RASGRF1: variants seen among roughly 807,000 people sequenced by gnomAD.
RASGRF1 encodes the protein Ras protein specific guanine nucleotide releasing factor 1.
Under a neutral mutation model 138.7 loss-of-function variants are expected in RASGRF1, and 40 were observed. The observed-to-expected ratio is 0.29, with a 90% CI of 0.22 to 0.38. The LOEUF is 0.38. Ranked by LOEUF, RASGRF1 falls within the 10% of genes least tolerant of loss-of-function variation. The pLI is 1.00. For missense variants in RASGRF1, 1,108 were observed against 1,650.4 expected (o/e 0.67, Z 5.69); for synonymous variants, 614 against 663.2 (o/e 0.93, Z 1.14).
At position 78,987,459 on chromosome 15, in the gene RASGRF1, G is replaced by A. The variant is rs534394770; in HGVS notation, c.3217-2255C>T. 3.9e-5 allele frequency among the ~76,000 whole-genome samples: 6 copies of A among 152,298 alleles called. No homozygotes were observed. In the East Asian group the frequency reaches 1.2e-3, roughly 29 times the overall value. On this transcript the variant is annotated intron_variant, in intron 22 of 26. Coordinates refer to ENST00000558480, the MANE Select transcript of RASGRF1 (RefSeq NM_001145648.3). ...CACCTGTAATTCCAGTACTTTGGGA[G>A]CTGAGGCGGGTGGATCACCTGAGGT...
chr15:79,076,417 C>T (rs576335670), intron 1 of RASGRF1, among the ~76,000 whole-genome samples: 2 of 152,266 alleles, frequency 1.3e-5, no homozygotes, highest in East Asian at 3.9e-4. Context: ...TACTAGAAAC[C>T]CAGGACTTCT....
chr15:79,002,272 T>A (rs1345721898), intron 15 of RASGRF1, among the ~76,000 whole-genome samples: 1 of 152,162 alleles, frequency 6.6e-6, no homozygotes, highest in African/African-American at 2.4e-5. Context: ...TCTTAAAATG[T>A]CCTGTCTTGG....
At chr15:78,990,353 A>AT (rs1555452495) in intron 21 of RASGRF1, 80 bp from the exon 22 acceptor site, 3 of 1,052,432 alleles carry the variant, frequency 2.9e-6, no homozygotes, top group Non-Finnish European at 4.3e-6. Context: ...TTTTTATTTT[A>AT]TTTTTTGGCT....
chr15:79,020,141 G>A (rs1391550707), intron 10 of RASGRF1, 37 bp from the exon 11 acceptor site: 2 of 1,601,536 alleles, frequency 1.2e-6, no homozygotes, highest in Admixed American at 1.7e-5. Context: ...TGGATTGAGG[G>A]GTAGATATGC....
intron 22 of RASGRF1, among the ~76,000 whole-genome samples, chr15:78,988,307 T>C (rs2056202519): frequency 6.6e-6 from 1 of 152,226 alleles, no homozygotes; most frequent in African/African-American, 2.4e-5. Flanking sequence ...TGTCTTTCAC[T>C]TGCTCGACTC....
In RASGRF1 at chr15:79,084,521, C is replaced by T. The variant is rs140953007; in HGVS notation, c.276+5702G>A. Among the ~76,000 whole-genome samples the T allele has an allele frequency of 2.7e-3, 404 of 152,326 alleles. 2 individuals are homozygous for T. The highest frequency in any genetic ancestry group is 4.6e-3 in the Non-Finnish European group (312 of 68,024). The stretch of plus-strand genomic sequence containing the variant: ...ACCTGGCAGCCACATCACTTCATTC[C>T]CTGGGCTCTGGACAACAGGGCCGCC... On this transcript the variant is annotated intron_variant, in intron 1 of 26. Transcript: ENST00000558480.
intron 25 of RASGRF1, 40 bp from the exon 26 acceptor site, chr15:78,971,974 T>C: frequency 6.6e-7 from 1 of 1,514,988 alleles, no homozygotes; most frequent in Non-Finnish European, 9.2e-7. Context: ...CAGTTTGCTC[T>C]CCTAGTTCCA....
At chr15:78,968,206 G>A (rs1329516027) in intron 26 of RASGRF1, among the ~76,000 whole-genome samples, 1 of 148,914 alleles carries the variant, frequency 6.7e-6, no homozygotes, top group Non-Finnish European at 1.5e-5. Flanking sequence ...TCACCACTGA[G>A]CCCAGCCTGT....
intron 5 of RASGRF1, among the ~76,000 whole-genome samples, chr15:79,037,351 A>G (rs2141010466): frequency 6.6e-6 from 1 of 151,976 alleles, no homozygotes; most frequent in Non-Finnish European, 1.5e-5. Context: ...GTCAAAGACA[A>G]TCTTCTCACA....
At chr15:79,048,762 G>T (rs1006286154) in intron 4 of RASGRF1, among the ~76,000 whole-genome samples, 1 of 152,178 alleles carries the variant, frequency 6.6e-6, no homozygotes, top group Non-Finnish European at 1.5e-5. Flanking sequence ...TGGCCCATGG[G>T]ATGCCAGTTT....
intron 5 of RASGRF1, among the ~76,000 whole-genome samples, chr15:79,036,603 CATTG>C (rs2057226036): frequency 6.6e-6 from 1 of 152,146 alleles, no homozygotes; most frequent in Non-Finnish European, 1.5e-5. Context: ...GATGCTCCAG[CATTG>C]AGGCGGTGGG....
chr15:79,008,904 C>T (rs763009092), intron 13 of RASGRF1, among the ~76,000 whole-genome samples: 6 of 152,334 alleles, frequency 3.9e-5, no homozygotes, highest in Admixed American at 6.5e-5. Flanking sequence ...GAGCACATGG[C>T]CTCCCAGGTC....
At chr15:79,077,379 G>A (rs149163695) in intron 1 of RASGRF1, among the ~76,000 whole-genome samples, 144 of 152,242 alleles carry the variant, frequency 9.5e-4, no homozygotes, top group African/African-American at 3.3e-3. Context: ...CAGCATTGTG[G>A]GAGCTCCTCG....
At chr15:79,018,961 C>T (rs963617521) in intron 11 of RASGRF1, among the ~76,000 whole-genome samples, 4 of 152,154 alleles carry the variant, frequency 2.6e-5, no homozygotes, top group African/African-American at 4.8e-5. Flanking sequence ...GCTGCCTCCT[C>T]GTTTATTCTT....
chr15:78,970,639 A>AG (rs1262685684), intron 26 of RASGRF1, among the ~76,000 whole-genome samples: 3 of 150,630 alleles, frequency 2.0e-5, no homozygotes, highest in African/African-American at 7.3e-5. Flanking sequence ...AAAAAAAAAA[A>AG]AAAAAAGAAA....
chr15:79,025,581 A>C lies in RASGRF1; in HGVS notation c.1382-107T>G, dbSNP rs1263085493. The C allele has an allele frequency of 5.9e-6, 8 of 1,353,536 alleles. No homozygotes were observed. The South Asian group carries it at 7.1e-5, about 12-fold the overall frequency. The allele number at this position is 1,353,536 out of a possible 1,614,324, so 83.8% of individuals were successfully genotyped here. A position where few individuals can be genotyped will look rare whatever the true frequency, so the allele number is the denominator to read the frequency against. On this transcript the variant is annotated intron_variant, in intron 9 of 26. Transcript: ENST00000558480. ...GGGGCAGCAGCAGTGGGACAAGTCC[A>C]TTCTGTTTCCCAGTAGCAAATGTGC... is the stretch of plus-strand genomic sequence containing the variant.
intron 24 of RASGRF1, among the ~76,000 whole-genome samples, chr15:78,979,952 G>C (rs1173887385): frequency 6.6e-6 from 1 of 152,204 alleles, no homozygotes; most frequent in African/African-American, 2.4e-5. Context: ...CAACTTGGAG[G>C]GGTGCCATTA....
At chr15:79,008,467 TGATTTGGTTTCCACCAA>T (rs2056729738) in intron 13 of RASGRF1, among the ~76,000 whole-genome samples, 1 of 152,246 alleles carries the variant, frequency 6.6e-6, no homozygotes, top group Admixed American at 6.5e-5. Flanking sequence ...AGAAAACTCC[TGATTTGGTTTCCACCAA>T]GATTCAGGAA....
rs1053911648 is a variant in RASGRF1 at position 78,978,592 on chromosome 15, C to T, written c.3494+2028G>A. The T allele has an allele frequency of 3.0e-6, 3 of 989,544 alleles. No homozygotes were observed. In the African/African-American group the frequency reaches 5.2e-5, roughly 17 times the overall value. The allele number at this position is 989,544 out of a possible 1,614,324, so 61.3% of individuals were successfully genotyped here. ...GACGTATGAATGGGCTGCAGACCAA[C>T]ATGGTGAGGCCCATAGCAGGACTCC... On this transcript the variant is annotated intron_variant, in intron 24 of 26. Transcript: ENST00000558480.
Sources: gnomAD v4.1 joint callset for allele counts (sites outside exome capture counted in the v4.1 genomes callset) on GRCh38, gnomAD v4.1.1 for gene constraint, MANE v1.5 for transcripts, NCBI Gene and HGNC (gene_info 2026-07-23, HGNC 2026-07-21) for gene names.